The following PCSK5 variants were observed in gnomAD, a reference collection of about 807,000 sequenced individuals.
PCSK5 encodes the protein proprotein convertase subtilisin/kexin type 5.
A neutral mutation model predicts 233.2 loss-of-function variants in PCSK5; 129 were observed. The ratio of observed to expected loss-of-function variants is 0.55; its 90% CI spans 0.48 to 0.64. The LOEUF is 0.64. Ranked by LOEUF, PCSK5 falls within the 30% of genes least tolerant of loss-of-function variation. PCSK5 has a pLI of 0.00. For synonymous variants in PCSK5, 825 were observed against 879.2 expected, an observed-to-expected ratio of 0.94 and a Z score of 1.09; for missense variants, 2,076 against 2,430.1, an observed-to-expected ratio of 0.85 and a Z score of 3.06.
chr9:75,977,933 TCAAA>T (rs1352785943), intron 2 of PCSK5, among the ~76,000 whole-genome samples: 1 of 152,002 alleles, frequency 6.6e-6, no homozygotes, highest in Non-Finnish European at 1.5e-5. Flanking sequence ...CAAGTGGGTG[TCAAA>T]CAGAGAAGGG....
intron 20 of PCSK5, among the ~76,000 whole-genome samples, chr9:76,190,907 C>A (rs923935809): frequency 1.3e-5 from 2 of 152,160 alleles, no homozygotes; most frequent in Non-Finnish European, 2.9e-5. Context: ...CCAAGTGTTT[C>A]TAATCTGCAG....
At chr9:75,908,187 C>T (rs1375368617) in intron 1 of PCSK5, among the ~76,000 whole-genome samples, 1 of 152,234 alleles carries the variant, frequency 6.6e-6, no homozygotes, top group Non-Finnish European at 1.5e-5. Flanking sequence ...GGTTGGGTGA[C>T]ATGGCCAGAA....
intron 24 of PCSK5, among the ~76,000 whole-genome samples, chr9:76,282,628 T>C (rs1434100399): frequency 4.6e-5 from 7 of 152,182 alleles, no homozygotes; most frequent in Admixed American, 2.6e-4. Flanking sequence ...TATGTTTTTA[T>C]AATTTCAACT....
At chr9:76,105,827 T>C (rs886232564) in intron 8 of PCSK5, among the ~76,000 whole-genome samples, 1 of 152,224 alleles carries the variant, frequency 6.6e-6, no homozygotes, top group Non-Finnish European at 1.5e-5. Flanking sequence ...AATCTGGTAA[T>C]GTTAGAGTTG....
intron 35 of PCSK5, among the ~76,000 whole-genome samples, chr9:76,339,065 T>C (rs899346188): frequency 1.3e-5 from 2 of 151,642 alleles, no homozygotes; most frequent in African/African-American, 2.4e-5. Flanking sequence ...GTATCACACC[T>C]TTTGAAGCAG....
intron 8 of PCSK5, 25 bp downstream of exon 8, chr9:76,096,127 A>G (rs1271572722): frequency 2.0e-6 from 3 of 1,512,308 alleles, no homozygotes; most frequent in East Asian, 2.3e-5. Flanking sequence ...CATGCCCATC[A>G]TGATCTGTTT....
At chr9:76,134,708 G>A (rs1003617361) in intron 10 of PCSK5, among the ~76,000 whole-genome samples, 5 of 151,882 alleles carry the variant, frequency 3.3e-5, no homozygotes, top group Admixed American at 2.0e-4. Flanking sequence ...TCTAAGAAAT[G>A]TTACTTTATA....
intron 24 of PCSK5, among the ~76,000 whole-genome samples, chr9:76,262,958 T>G (rs867367092): frequency 0.023 from 3,420 of 150,118 alleles, 49 homozygotes; most frequent in Middle Eastern, 0.045. Context: ...CCATCAAAAA[T>G]TGGGCGAAGG....
rs561499404 is a variant in PCSK5 at position 76,339,082 on chromosome 9, G to A, written c.4966+635G>A. Among the ~76,000 whole-genome samples, 13 of 151,714 alleles carry A rather than the reference G, an allele frequency of 8.6e-5. No individual in the cohort carries two copies. The East Asian group carries it at 2.5e-3, about 29-fold the overall frequency. On this transcript the variant is annotated intron_variant, in intron 35 of 37. Coordinates refer to ENST00000674117, the MANE Select transcript of PCSK5 (RefSeq NM_001372043.1). The stretch of plus-strand genomic sequence containing the variant: ...ATCACACCTTTTGAAGCAGCCAGCA[G>A]GTCACCCCAACTCTCAATCTTGCCC...
At chr9:76,102,882 A>G (rs1831821300) in intron 8 of PCSK5, among the ~76,000 whole-genome samples, 1 of 152,216 alleles carries the variant, frequency 6.6e-6, no homozygotes. Flanking sequence ...CTTAGCAAAT[A>G]AATATTGTGC....
intron 5 of PCSK5, among the ~76,000 whole-genome samples, chr9:76,065,939 T>C (rs894917718): frequency 2.0e-5 from 3 of 152,214 alleles, no homozygotes; most frequent in African/African-American, 7.2e-5. Flanking sequence ...TTGACACCTT[T>C]GTCAAAAGTC....
At chr9:76,352,237 C>A (rs956890755) in intron 36 of PCSK5, among the ~76,000 whole-genome samples, 5 of 152,154 alleles carry the variant, frequency 3.3e-5, no homozygotes, top group African/African-American at 1.2e-4. Context: ...CTGATGTTGC[C>A]ATGGCATTTG....
At chr9:76,005,443 T>C (rs749307391) in intron 3 of PCSK5, among the ~76,000 whole-genome samples, 16 of 152,230 alleles carry the variant, frequency 1.1e-4, no homozygotes, top group Admixed American at 3.3e-4. Flanking sequence ...CGTAGAATAC[T>C]ATATACACAC....
chr9:76,297,453 G>T (rs1828473908), intron 27 of PCSK5, among the ~76,000 whole-genome samples: 1 of 152,148 alleles, frequency 6.6e-6, no homozygotes, highest in African/African-American at 2.4e-5. Context: ...TTCTGAGGAG[G>T]GAGGAGAGGG....
chr9:76,142,937 CTT>C (rs1425521780), intron 10 of PCSK5, among the ~76,000 whole-genome samples: 1 of 152,076 alleles, frequency 6.6e-6, no homozygotes, highest in Non-Finnish European at 1.5e-5. Flanking sequence ...CTTATTTTCT[CTT>C]TTTCATAAGA....
intron 20 of PCSK5, among the ~76,000 whole-genome samples, chr9:76,222,297 G>T (rs1403633001): frequency 6.6e-6 from 1 of 152,072 alleles, no homozygotes; most frequent in African/African-American, 2.4e-5. Flanking sequence ...GTATTGGCCT[G>T]CTAAGACACA....
intron 12 of PCSK5, among the ~76,000 whole-genome samples, chr9:76,161,536 T>C (rs1822857355): frequency 6.6e-6 from 1 of 152,050 alleles, no homozygotes; most frequent in Non-Finnish European, 1.5e-5. Context: ...TTGCTTCACA[T>C]GTGTGGATCG....
intron 29 of PCSK5, among the ~76,000 whole-genome samples, chr9:76,310,341 T>G (rs1317739833): frequency 2.6e-5 from 4 of 151,858 alleles, no homozygotes; most frequent in African/African-American, 7.3e-5. Flanking sequence ...AAGCTGTGCA[T>G]GTACAGCTGC....
chr9:76,276,472 G>C (rs558294139), intron 24 of PCSK5, among the ~76,000 whole-genome samples: 13 of 152,192 alleles, frequency 8.5e-5, no homozygotes, highest in Non-Finnish European at 1.5e-4. Context: ...ATATGATCTT[G>C]TCCTGCCTAT....
Sources: allele counts gnomAD v4.1 joint callset (sites outside exome capture counted in the v4.1 genomes callset), GRCh38; gene constraint gnomAD v4.1.1; transcripts MANE v1.5; gene names NCBI Gene and HGNC (gene_info 2026-07-23, HGNC 2026-07-21).